Variants in TRPC6 observed in about 807,000 individuals in gnomAD.
TRPC6 encodes the protein transient receptor potential cation channel subfamily C member 6.
A neutral mutation model predicts 90.7 loss-of-function variants in TRPC6; 55 were observed. The ratio of observed to expected loss-of-function variants is 0.61; its 90% CI spans 0.49 to 0.76. The LOEUF (loss-of-function observed/expected upper bound fraction) is 0.76, where lower values mean the gene tolerates loss of function less well. Ranked by LOEUF, TRPC6 falls within the 30% of genes least tolerant of loss-of-function variation. TRPC6 has a pLI of 0.00. For synonymous variants in TRPC6, 393 were observed against 393.0 expected, an observed-to-expected ratio of 1.00 and a Z score of 0.00; for missense variants, 989 against 1,122.7, an observed-to-expected ratio of 0.88 and a Z score of 1.70.
chr11:101,535,004 A>G (rs1212097432), intron 1 of TRPC6, among the ~76,000 whole-genome samples: 1 of 151,988 alleles, frequency 6.6e-6, no homozygotes, highest in Non-Finnish European at 1.5e-5. Context: ...TCTATTAAAA[A>G]TACAAAAAAA....
At chr11:101,529,117 A>G (rs936613446) in intron 1 of TRPC6, among the ~76,000 whole-genome samples, 1 of 152,138 alleles carries the variant, frequency 6.6e-6, no homozygotes. Flanking sequence ...GATCCACAAG[A>G]CTTCATTTTG....
chr11:101,500,886 C>G (rs1860103406), intron 2 of TRPC6, among the ~76,000 whole-genome samples: 3 of 152,108 alleles, frequency 2.0e-5, no homozygotes, highest in Admixed American at 2.0e-4. Flanking sequence ...GAAATCATTA[C>G]AGCATTTAGA....
intron 1 of TRPC6, among the ~76,000 whole-genome samples, chr11:101,520,984 C>T (rs1275470106): frequency 6.6e-6 from 1 of 152,106 alleles, no homozygotes; most frequent in African/African-American, 2.4e-5. Context: ...AAAAGGGAGG[C>T]AGAGCATAAA....
In TRPC6 at chr11:101,453,684, G is replaced by T. The variant is rs776201994; in HGVS notation, c.2610C>A (p.Ala870=). 1.9e-6 allele frequency: 3 copies of T among 1,613,726 alleles called. No homozygotes were observed. The highest frequency in any genetic ancestry group is 2.5e-6 in the Non-Finnish European group (3 of 1,179,846). The change falls in exon 12 of 13, where the codon GCC becomes GCA. Residue 870 remains alanine (A), a synonymous_variant. Transcript: ENST00000344327. Reference sequence around the variant, plus strand: ...CTTCATCACTCTCCTTATCTATCTGGGCCTGCAGTACATATCTTTTAATGA... The same window carrying T: ...CTTCATCACTCTCCTTATCTATCTGTGCCTGCAGTACATATCTTTTAATGA... ...KRLIKRYVLQ[A]QIDKESDEVN...
intron 1 of TRPC6, among the ~76,000 whole-genome samples, chr11:101,564,265 T>C (rs1184230336): frequency 2.6e-5 from 4 of 152,208 alleles, no homozygotes; most frequent in African/African-American, 9.6e-5. Context: ...TATTATGTTT[T>C]CTAACAGTTC....
intron 1 of TRPC6, among the ~76,000 whole-genome samples, chr11:101,551,239 G>C (rs553222376): frequency 6.6e-6 from 1 of 151,924 alleles, no homozygotes; most frequent in Non-Finnish European, 1.5e-5. Context: ...AATACAGTCA[G>C]TGAAACTATT....
rs147138391 is a variant in TRPC6 at position 101,501,516 on chromosome 11, G to A, written c.945+2508C>T. ...TATTCCTGTAAGGTCCCACTCTGCT[G>A]TAAACTGAGACTGGGATGCTGGGAC... On this transcript the variant is annotated intron_variant, in intron 2 of 12. Transcript: ENST00000344327. 4.3e-3 allele frequency among the ~76,000 whole-genome samples: 654 copies of A among 152,240 alleles called. 5 individuals carry two copies. Among genetic ancestry groups the A allele is most frequent in the African/African-American group, 0.015 (627 of 41,558 alleles).
Position 101,500,078 on chromosome 11 carries a change from T to TAC in TRPC6, c.945+3944_945+3945dup, listed in dbSNP as rs1555003033. On this transcript the variant is annotated intron_variant, in intron 2 of 12. Coordinates refer to ENST00000344327, the MANE Select transcript of TRPC6 (RefSeq NM_004621.6). ...ATATGTGTGTGTGTATATATATATA[T>TAC]ACACACACACAATTTTTCTTTCCTT... Among the ~76,000 whole-genome samples the TAC allele has an allele frequency of 2.5e-3, 365 of 144,228 alleles. 55 individuals are homozygous for TAC. The highest frequency in any genetic ancestry group is 9.3e-3 in the African/African-American group (348 of 37,556). The allele number at this position is 144,228 out of a possible 152,430, so 94.6% of individuals were successfully genotyped here. A position where few individuals can be genotyped will look rare whatever the true frequency, so the allele number is the denominator to read the frequency against.
intron 10 of TRPC6, among the ~76,000 whole-genome samples, chr11:101,455,996 C>A (rs1214988646): frequency 1.3e-5 from 2 of 151,982 alleles, no homozygotes; most frequent in Non-Finnish European, 2.9e-5. Context: ...TAATAATAAA[C>A]AATATATAAA....
At position 101,499,622 on chromosome 11, in the gene TRPC6, C is replaced by CAATATAAAATGTGTATATATATAT. The variant is rs1466113112; in HGVS notation, c.945+4401_945+4402insATATATATATACACATTTTATATT. On this transcript the variant is annotated intron_variant, in intron 2 of 12. Coordinates refer to ENST00000344327, the MANE Select transcript of TRPC6 (RefSeq NM_004621.6). ...CGTATATATGGTATATATATATACA[C>CAATATAAAATGTGTATATATATAT]ACACAATATAAAATGTGTATATATA... Among the ~76,000 whole-genome samples the CAATATAAAATGTGTATATATATAT allele has an allele frequency of 1.2e-3, 78 of 67,630 alleles. 10 individuals are homozygous for CAATATAAAATGTGTATATATATAT. Among genetic ancestry groups the CAATATAAAATGTGTATATATATAT allele is most frequent in the African/African-American group, 5.3e-3 (75 of 14,212 alleles). The allele number at this position is 67,630 out of a possible 152,430, so 44.4% of individuals were successfully genotyped here.
Position 101,499,921 on chromosome 11 carries a change from A to C in TRPC6, c.945+4103T>G, listed in dbSNP as rs1371419784. ...AATGTGTATATATATACACAGTATA[A>C]AATGTGTATATATATACACAGTATA... On this transcript the variant is annotated intron_variant, in intron 2 of 12. Coordinates refer to ENST00000344327, the MANE Select transcript of TRPC6 (RefSeq NM_004621.6). Among the ~76,000 whole-genome samples the C allele has an allele frequency of 1.7e-5, 2 of 114,790 alleles. 1 individual carries two copies. Among genetic ancestry groups the C allele is most frequent in the African/African-American group, 6.6e-5 (2 of 30,368 alleles). The allele number at this position is 114,790 out of a possible 152,430, so 75.3% of individuals were successfully genotyped here.
At chr11:101,483,282 GTTTATA>G (rs1467665489) in intron 4 of TRPC6, 117 bp from the exon 5 acceptor site, 13 of 1,211,850 alleles carry the variant, frequency 1.1e-5, no homozygotes, top group African/African-American at 9.0e-5. Context: ...TGAGATAATT[GTTTATA>G]TTTATGTAAT....
chr11:101,574,327 A>C (rs1862029160), intron 1 of TRPC6, among the ~76,000 whole-genome samples: 1 of 151,192 alleles, frequency 6.6e-6, no homozygotes, highest in Admixed American at 6.6e-5. Context: ...ATCCAAATCT[A>C]TATCTAATTG....
chr11:101,512,954 C>T (rs542161894), intron 1 of TRPC6, among the ~76,000 whole-genome samples: 81 of 151,850 alleles, frequency 5.3e-4, no homozygotes, highest in African/African-American at 1.9e-3. Flanking sequence ...TCTGAAAAAA[C>T]TTAATGAAGG....
At chr11:101,555,777 T>G (rs1301681247) in intron 1 of TRPC6, among the ~76,000 whole-genome samples, 1 of 152,106 alleles carries the variant, frequency 6.6e-6, no homozygotes, top group African/African-American at 2.4e-5. Context: ...TGTGGAGAAT[T>G]TTATATAAAT....
intron 2 of TRPC6, among the ~76,000 whole-genome samples, chr11:101,495,395 G>T (rs1859918365): frequency 6.6e-6 from 1 of 151,962 alleles, no homozygotes; most frequent in Non-Finnish European, 1.5e-5. Context: ...CTACTATGTG[G>T]GCTTTGGAGA....
chr11:101,491,793 T>C (rs1859820523), intron 2 of TRPC6, 55 bp from the exon 3 acceptor site: 2 of 1,497,164 alleles, frequency 1.3e-6, no homozygotes, highest in Non-Finnish European at 1.8e-6. Flanking sequence ...CGTTTTACTA[T>C]GCTTCAGAGA....
chr11:101,527,408 C>T (rs1240890710), intron 1 of TRPC6, among the ~76,000 whole-genome samples: 3 of 152,228 alleles, frequency 2.0e-5, no homozygotes, highest in Admixed American at 2.0e-4. Context: ...TCATTTTATG[C>T]CCATAATGAT....
intron 1 of TRPC6, among the ~76,000 whole-genome samples, chr11:101,512,565 A>G (rs1348738927): frequency 6.6e-6 from 1 of 152,082 alleles, no homozygotes; most frequent in Admixed American, 6.5e-5. Context: ...TTCATGTGTC[A>G]TGTCTTCCTA....
Sources: allele counts gnomAD v4.1 joint callset (sites outside exome capture counted in the v4.1 genomes callset), GRCh38; gene constraint gnomAD v4.1.1; transcripts MANE v1.5; gene names NCBI Gene and HGNC (gene_info 2026-07-23, HGNC 2026-07-21).